Variants in ACSL1 observed in about 807,000 individuals in gnomAD.
The protein encoded by ACSL1 is long-chain-fatty-acid--CoA ligase 1.
A neutral mutation model predicts 98.4 loss-of-function variants in ACSL1; 41 were observed. That is an observed-to-expected ratio of 0.42 (90% CI 0.32 to 0.54). The LOEUF (loss-of-function observed/expected upper bound fraction) is 0.54. Ranked by LOEUF, ACSL1 falls within the 20% of genes least tolerant of loss-of-function variation. ACSL1 has a pLI of 0.13. For synonymous variants in ACSL1, 316 were observed against 322.7 expected (o/e 0.98, Z 0.22); for missense variants, 734 against 883.1 (o/e 0.83, Z 2.14).
intron 1 of ACSL1, chr4:184,812,072 G>C: frequency 8.2e-6 from 5 of 608,406 alleles, no homozygotes; most frequent in Non-Finnish European, 1.0e-5. Context: ...TCCCCTCTAT[G>C]AGAAGCAATC....
chr4:184,773,696 G>T lies in ACSL1; in HGVS notation c.808C>A (p.Leu270Ile). 4 of 1,610,168 alleles carry T rather than the reference G, an allele frequency of 2.5e-6. No individual in the cohort carries two copies. In the East Asian group the frequency reaches 8.9e-5, roughly 36 times the overall value. Reference protein sequence around the residue: ...RKPKPPAPEDLAVICFTSGTT... With the variant: ...RKPKPPAPEDIAVICFTSGTT... ...CCACTTGTGAAACAAATTACTGCAA[G>T]ATCTTCAGGTGCTGGAGGCTAAAGA... The change falls in exon 9 of 21, where the codon CTT (leucine) becomes ATT (isoleucine). Residue 270 changes from leucine to isoleucine, a missense_variant. Leu to Ile is a conservative substitution (Grantham distance 5). Transcript: ENST00000281455. The surrounding 1 kb of genome is among the most constrained non-coding windows in gnomAD (Gnocchi z 4.3).
chr4:184,760,513 G>A lies in ACSL1; in HGVS notation c.1639-13C>T. 6.2e-7 allele frequency: 1 copy of A among 1,613,874 alleles called. No individual in the cohort carries two copies. Among genetic ancestry groups the A allele is most frequent in the Non-Finnish European group, 8.5e-7 (1 of 1,179,838 alleles). On this transcript the variant is annotated splice_polypyrimidine_tract_variant and intron_variant, in intron 17 of 20. Transcript: ENST00000281455. The stretch of plus-strand genomic sequence containing the variant: ...TCAAGGTGCCATTCTGTTGATCAGA[G>A]GGGAGGGGGTTATGAATGGGCTGAT...
chr4:184,776,259 G>A (rs1221649039), intron 7 of ACSL1, among the ~76,000 whole-genome samples: 1 of 152,256 alleles, frequency 6.6e-6, no homozygotes, highest in Non-Finnish European at 1.5e-5. Flanking sequence ...AAATATTGGA[G>A]TGCTGAAAGC....
At position 184,760,383 on chromosome 4, in the gene ACSL1, C is replaced by T; in HGVS notation, c.1756G>A (p.Val586Met). 6.2e-7 allele frequency: 1 copy of T among 1,614,160 alleles called. No individual in the cohort carries two copies. The highest frequency in any genetic ancestry group is 8.5e-7 in the Non-Finnish European group (1 of 1,180,012). ...IYMRSEPVAQ[V>M]FVHGESLQAF... ...TGCAGGCTTTCTCCGTGGACAAACA[C>T]CTGAGCAACAGGCTCACTTCGCATG... The change falls in exon 18 of 21, where the codon GTG becomes ATG. Residue 586 changes from valine (V) to methionine (M), a missense_variant. Physicochemically the swap from Val to Met is conservative, Grantham distance 21. Coordinates refer to ENST00000281455, the MANE Select transcript of ACSL1 (RefSeq NM_001995.5).
intron 16 of ACSL1, 72 bp downstream of exon 16, chr4:184,763,094 AC>A (rs1763080558): frequency 1.3e-5 from 19 of 1,481,146 alleles, no homozygotes; most frequent in Non-Finnish European, 1.7e-5. Context: ...GTTGGGAAAT[AC>A]CACAGCATTC....
intron 1 of ACSL1, among the ~76,000 whole-genome samples, chr4:184,819,570 C>T (rs1473356162): frequency 1.3e-5 from 2 of 152,100 alleles, no homozygotes; most frequent in East Asian, 1.9e-4. Context: ...GTCAGTCAGG[C>T]AGATGACAGC....
intron 2 of ACSL1, among the ~76,000 whole-genome samples, chr4:184,799,687 A>G (rs1412593602): frequency 6.6e-6 from 1 of 152,064 alleles, no homozygotes. Flanking sequence ...ATCTCTAAAA[A>G]AATTTTTTTT....
rs1267563332 is a variant in ACSL1 at position 184,825,203 on chromosome 4, G to A, written c.-33+713C>T. On this transcript the variant is annotated intron_variant, in intron 1 of 20. Transcript: ENST00000281455. The surrounding 1 kb of genome is among the most constrained non-coding windows in gnomAD (Gnocchi z 4.7). ...CGCCTGTCCCCAGACTCGAATCCACGTGTCCATTCAAGTCATCTACCGCCA... is the reference window on the plus strand; with the variant it reads ...CGCCTGTCCCCAGACTCGAATCCACATGTCCATTCAAGTCATCTACCGCCA... 4 of 985,240 alleles carry A rather than the reference G, an allele frequency of 4.1e-6. No individual in the cohort carries two copies. The Admixed American group carries it at 2.5e-4, about 61-fold the overall frequency. 61.0% of individuals were successfully genotyped at this position (985,240 alleles called of 1,614,324 possible).
chr4:184,764,832 A>G, intron 15 of ACSL1, 21 bp downstream of exon 15: 1 of 1,599,516 alleles, frequency 6.3e-7, no homozygotes, highest in Non-Finnish European at 8.5e-7. Context: ...AATTCCAAAA[A>G]GGAGCCTCCT....
At position 184,786,724 on chromosome 4, in the gene ACSL1, C is replaced by T. The variant is rs574551402; in HGVS notation, c.310+1893G>A. Among the ~76,000 whole-genome samples, 5 of 144,890 alleles carry T rather than the reference C, an allele frequency of 3.5e-5. No individual in the cohort carries two copies. The South Asian group carries it at 1.1e-3, about 31-fold the overall frequency. ...TTTTTTTTTTTTTGAGACGGAGTCT[C>T]GCTGTGTCACCCAGGCTGGAGTACA... On this transcript the variant is annotated intron_variant, in intron 3 of 20. Coordinates refer to ENST00000281455, the MANE Select transcript of ACSL1 (RefSeq NM_001995.5).
chr4:184,793,355 G>A (rs1768754777), intron 2 of ACSL1, among the ~76,000 whole-genome samples: 1 of 152,184 alleles, frequency 6.6e-6, no homozygotes, highest in Non-Finnish European at 1.5e-5. Context: ...TTGGGGGCAG[G>A]AAGGGCAGGA....
At chr4:184,790,702 C>T (rs1768196707) in intron 2 of ACSL1, among the ~76,000 whole-genome samples, 1 of 152,190 alleles carries the variant, frequency 6.6e-6, no homozygotes, top group South Asian at 2.1e-4. Flanking sequence ...AAAATGGAGA[C>T]ATCATGAGTC....
intron 1 of ACSL1, among the ~76,000 whole-genome samples, chr4:184,820,752 G>A (rs914031445): frequency 6.6e-6 from 1 of 152,118 alleles, no homozygotes; most frequent in Non-Finnish European, 1.5e-5. Flanking sequence ...CTACAGGCAC[G>A]TACCACCACG....
rs151070035 is a variant in ACSL1, at chr4:184,757,439, G to T, written c.1957-174C>A. ...GCATCCTATTCTTAGGATAGGATTC[G>T]GGATCATATTCTGATATCCAGGAAA... On this transcript the variant is annotated intron_variant, in intron 20 of 20. Coordinates refer to ENST00000281455, the MANE Select transcript of ACSL1 (RefSeq NM_001995.5). This position sits in a 1 kb window ranked among gnomAD's most constrained non-coding sequence, Gnocchi z 4.5. 1.3e-5 allele frequency among the ~76,000 whole-genome samples: 2 copies of T among 152,230 alleles called. No homozygotes were observed. The highest frequency in any genetic ancestry group is 2.9e-5 in the Non-Finnish European group (2 of 68,030).
intron 1 of ACSL1, chr4:184,808,350 TTCTC>T (rs1439415666): frequency 3.0e-6 from 3 of 985,436 alleles, no homozygotes; most frequent in Non-Finnish European, 2.4e-6. Flanking sequence ...GTCTGGATGT[TTCTC>T]TCCTTCTAAA....
At chr4:184,807,735 C>T (rs1368020200) in intron 1 of ACSL1, among the ~76,000 whole-genome samples, 1 of 152,170 alleles carries the variant, frequency 6.6e-6, no homozygotes, top group Non-Finnish European at 1.5e-5. Context: ...TTTGGAAAGG[C>T]TTTCATATCC....
intron 18 of ACSL1, 131 bp from the exon 19 acceptor site, chr4:184,758,051 C>T (rs555357091): frequency 1.1e-5 from 9 of 806,794 alleles, no homozygotes; most frequent in South Asian, 1.0e-4. Flanking sequence ...TCAGAACATA[C>T]TACCCCCCTC....
chr4:184,758,128 T>C, intron 18 of ACSL1: 1 of 526,278 alleles, frequency 1.9e-6, no homozygotes, highest in South Asian at 2.9e-5. Flanking sequence ...ATCAGGAATT[T>C]TGCAATTAAT....
chr4:184,776,984 C>T lies in ACSL1; in HGVS notation c.478-1G>A, dbSNP rs1278195861. On this transcript the variant is annotated splice_acceptor_variant, in intron 5 of 20. Coordinates refer to ENST00000281455, the MANE Select transcript of ACSL1 (RefSeq NM_001995.5). LOFTEE classifies it high-confidence loss of function. ...AGCATCCTTGTTCAATAATCACCCA[C>T]TAAACAAACAGTAAAGGTCAGGGAG... The T allele has an allele frequency of 6.2e-7, 1 of 1,613,682 alleles. No homozygotes were observed. The highest frequency in any genetic ancestry group is 8.5e-7 in the Non-Finnish European group (1 of 1,179,684).
Sources: allele counts gnomAD v4.1 joint callset (sites outside exome capture counted in the v4.1 genomes callset), GRCh38; gene constraint gnomAD v4.1.1; non-coding constraint Gnocchi (gnomAD v3.1); transcripts MANE v1.5; gene names NCBI Gene and HGNC (gene_info 2026-07-23, HGNC 2026-07-21).